PRAMEF15: variants seen among roughly 807,000 people sequenced by gnomAD.
PRAMEF15 encodes PRAME family member 15.
PRAMEF15 carries 21 observed loss-of-function variants against 35.3 expected under a neutral mutation model. The ratio of observed to expected loss-of-function variants is 0.59; its 90% CI spans 0.42 to 0.86. The LOEUF is 0.86. Among genes scored for constraint, PRAMEF15 ranks in the 40% least tolerant of loss-of-function variants. The pLI, the probability that PRAMEF15 is intolerant of heterozygous loss-of-function variation, is 0.00. For synonymous variants in PRAMEF15, 122 were observed against 223.3 expected, an observed-to-expected ratio of 0.55 and a Z score of 4.05; for missense variants, 360 against 574.1, an observed-to-expected ratio of 0.63 and a Z score of 3.81.
At position 13,322,259 on chromosome 1, in the gene PRAMEF15, T is replaced by C; in HGVS notation, c.1432T>C (p.Cys478Arg). 6.4e-7 allele frequency: 1 copy of C among 1,551,704 alleles called. No individual in the cohort carries two copies. The highest frequency in any genetic ancestry group is 1.1e-5 in the South Asian group (1 of 88,522). ...FYDLEADQYC[C>R] ...TGACCTGGAGGCAGATCAATACTGCTGTTGAATGCCTGCCTATTTGGATGG... is the reference window on the plus strand; with the variant it reads ...TGACCTGGAGGCAGATCAATACTGCCGTTGAATGCCTGCCTATTTGGATGG... The change falls in exon 4 of 4, where the codon TGT becomes CGT. Residue 478 changes from cysteine to arginine, a missense_variant. By Grantham distance (180) the Cys-to-Arg change is radical (BLOSUM62 -3). This residue lies in a region of PRAMEF15 where 147 missense variants were observed against 123.5 expected (regional missense o/e 1.19). Coordinates refer to ENST00000376152, the MANE Select transcript of PRAMEF15 (RefSeq NM_001098376.3).
Position 13,322,588 on chromosome 1 carries a change from A to C in PRAMEF15, c.*324A>C, listed in dbSNP as rs1640100197. On this transcript the variant is annotated 3_prime_UTR_variant, in exon 4 of 4. Transcript: ENST00000376152. The stretch of plus-strand genomic sequence containing the variant: ...AAGAAACAATCAGAAATAAAGGAAA[A>C]CTGAGCAGAATCTGTCTGGTGCCCT... The C allele has an allele frequency of 5.6e-6, 2 of 355,716 alleles. No individual in the cohort carries two copies. Among genetic ancestry groups the C allele is most frequent in the African/African-American group, 4.2e-5 (2 of 47,510 alleles). The allele number at this position is 355,716 out of a possible 1,614,324, so 22.0% of individuals were successfully genotyped here.
chr1:13,317,205 G>C (rs1421336753), intron 1 of PRAMEF15, among the ~76,000 whole-genome samples: 5 of 151,586 alleles, frequency 3.3e-5, no homozygotes, highest in Non-Finnish European at 7.4e-5. Context: ...TAGTAGCTTG[G>C]ACTACAGGCG....
At chr1:13,320,462 C>T (rs1228565010) in intron 3 of PRAMEF15, among the ~76,000 whole-genome samples, 4 of 152,004 alleles carry the variant, frequency 2.6e-5, no homozygotes, top group East Asian at 1.9e-4. Flanking sequence ...TCACTTTGAT[C>T]GTCCAGGCTA....
intron 1 of PRAMEF15, among the ~76,000 whole-genome samples, chr1:13,317,491 G>A (rs1457809726): frequency 2.6e-5 from 4 of 151,990 alleles, no homozygotes; most frequent in African/African-American, 4.8e-5. Flanking sequence ...TAATGAGGCT[G>A]GGGTGGAGGC....
At chr1:13,320,920 T>C (rs1169656218) in intron 3 of PRAMEF15, among the ~76,000 whole-genome samples, 2 of 152,036 alleles carry the variant, frequency 1.3e-5, no homozygotes, top group Non-Finnish European at 2.9e-5. Context: ...ATCTAGGCAA[T>C]GCATGATTCT....
At position 13,322,067 on chromosome 1, in the gene PRAMEF15, C is replaced by A. The variant is rs77435826; in HGVS notation, c.1240C>A (p.Leu414Met). ...CATACTCAAAAACTTATGTGTGGAG[C>A]TGTATCCTGCCCCCCGAGAGAGTTA... is the stretch of plus-strand genomic sequence containing the variant. ...TIILKNLCVELYPAPRESYGA... is the reference protein window; with the variant it reads ...TIILKNLCVEMYPAPRESYGA... The change falls in exon 4 of 4, where the codon CTG (leucine) becomes ATG (methionine). Residue 414 changes from leucine (L) to methionine (M), a missense_variant. Physicochemically the swap from Leu to Met is conservative, Grantham distance 15 (BLOSUM62 2). Around this residue, in one of 8 missense-constraint regions of PRAMEF15, gnomAD observed 147 missense variants for 123.5 expected, o/e 1.19. Transcript: ENST00000376152. The A allele has an allele frequency of 6.2e-7, 1 of 1,609,982 alleles. No homozygotes were observed. The highest frequency in any genetic ancestry group is 8.5e-7 in the Non-Finnish European group (1 of 1,178,958).
At chr1:13,320,041 T>C in intron 3 of PRAMEF15, 88 bp downstream of exon 3, 1 of 1,603,168 alleles carries the variant, frequency 6.2e-7, no homozygotes, top group South Asian at 1.1e-5. Flanking sequence ...AGCCAGCCTA[T>C]GAGGATGAAA....
Position 13,322,165 on chromosome 1 carries a change from C to T in PRAMEF15, c.1338C>T (p.Asp446=), listed in dbSNP as rs1640093367. 6.2e-7 allele frequency: 1 copy of T among 1,609,096 alleles called. No homozygotes were observed. Among genetic ancestry groups the T allele is most frequent in the African/African-American group, 1.3e-5 (1 of 74,080 alleles). Residue 446 remains aspartate (D), a synonymous_variant, in exon 4 of 4, where the codon GAC becomes GAT. Coordinates refer to ENST00000376152, the MANE Select transcript of PRAMEF15 (RefSeq NM_001098376.3). ...CTGAGCTGATGAACAGAGTGAGGGA[C>T]TTAAGGCACCCCAAGAGGATCTTGT... The part of the protein sequence containing the change: ...IRAELMNRVR[D]LRHPKRILFC...
chr1:13,319,722 A>G lies in PRAMEF15; in HGVS notation c.644A>G (p.Asn215Ser), dbSNP rs1640056534. Residue 215 changes from asparagine (N) to serine (S), a missense_variant, in exon 3 of 4, where the codon AAT becomes AGT. Around this residue, in one of 8 missense-constraint regions of PRAMEF15, gnomAD observed 36 missense variants for 164.8 expected, o/e 0.22. Transcript: ENST00000376152. ...GACTGTATCCAGGAGGTGGAAGTGAATTGCAAGTGGGTACTGCCCATCCTG... is the reference window on the plus strand; with the variant it reads ...GACTGTATCCAGGAGGTGGAAGTGAGTTGCAAGTGGGTACTGCCCATCCTG... ...NLDCIQEVEV[N>S]CKWVLPILTQ... The G allele has an allele frequency of 2.5e-6, 4 of 1,590,460 alleles. No homozygotes were observed. The highest frequency in any genetic ancestry group is 3.4e-6 in the Non-Finnish European group (4 of 1,171,448).
At chr1:13,319,245 AAC>A in intron 2 of PRAMEF15, 125 bp from the exon 3 acceptor site, 1 of 1,520,972 alleles carries the variant, frequency 6.6e-7, no homozygotes, top group Admixed American at 1.8e-5. Context: ...CCAAGGGGAA[AAC>A]AGAGTGAAGA....
At chr1:13,320,118 A>G (rs1640063318) in intron 3 of PRAMEF15, among the ~76,000 whole-genome samples, 165 bp downstream of exon 3, 2 of 152,104 alleles carry the variant, frequency 1.3e-5, no homozygotes, top group Non-Finnish European at 2.9e-5. Flanking sequence ...AATGGGTATC[A>G]TGCAACCATC....
chr1:13,316,224 G>A (rs1223714008), intron 1 of PRAMEF15, among the ~76,000 whole-genome samples: 3 of 151,604 alleles, frequency 2.0e-5, no homozygotes, highest in South Asian at 4.2e-4. Context: ...GGTTGGTCTC[G>A]AACACCTGAC....
chr1:13,315,798 G>C (rs1429304486), intron 1 of PRAMEF15, 140 bp downstream of exon 1: 6 of 148,448 alleles, frequency 4.0e-5, no homozygotes, highest in African/African-American at 1.0e-4. Flanking sequence ...TGGAAGCTTT[G>C]AATTTTTTCC....
chr1:13,318,422 C>G lies in PRAMEF15; in HGVS notation c.15C>G (p.Ile5Met). MKMS[I>M]RTPPRLLELA... ...CCTGCAGATTCATGAAGATGAGCATCCGGACTCCACCCAGACTCCTGGAGC... is the reference window on the plus strand; with the variant it reads ...CCTGCAGATTCATGAAGATGAGCATGCGGACTCCACCCAGACTCCTGGAGC... Residue 5 changes from isoleucine to methionine, a missense_variant, in exon 2 of 4, where the codon ATC (isoleucine) becomes ATG (methionine). By Grantham distance (10) the Ile-to-Met change is conservative (BLOSUM62 1). This residue lies in a region of PRAMEF15 where 31 missense variants were observed against 46.4 expected (regional missense o/e 0.67). Transcript: ENST00000376152. 10 of 1,613,084 alleles carry G rather than the reference C, an allele frequency of 6.2e-6. No individual in the cohort carries two copies. In the South Asian group the frequency reaches 1.1e-4, roughly 18 times the overall value.
In PRAMEF15 at chr1:13,319,349, G is replaced by C. The variant is rs4617395; in HGVS notation, c.294-23G>C. On this transcript the variant is annotated intron_variant, in intron 2 of 3. Transcript: ENST00000376152. Reference sequence around the variant, plus strand: ...TCAGAAATGAGTTCTTAAATTCTCAGTCTCACCTCTATTTTGCCACAGGAG... The same window carrying C: ...TCAGAAATGAGTTCTTAAATTCTCACTCTCACCTCTATTTTGCCACAGGAG... 1.9e-6 allele frequency: 3 copies of C among 1,608,374 alleles called. No individual in the cohort carries two copies. In the Admixed American group the frequency reaches 5.0e-5, roughly 27 times the overall value.
chr1:13,319,200 A>C (rs527991370), intron 2 of PRAMEF15, among the ~76,000 whole-genome samples, 172 bp from the exon 3 acceptor site: 1 of 151,142 alleles, frequency 6.6e-6, no homozygotes, highest in Admixed American at 6.6e-5. Context: ...TCTCAAAAAA[A>C]AAAAAAAACA....
At chr1:13,317,357 A>T (rs1431000690) in intron 1 of PRAMEF15, among the ~76,000 whole-genome samples, 1 of 151,834 alleles carries the variant, frequency 6.6e-6, no homozygotes, top group African/African-American at 2.4e-5. Context: ...GGTGTGAGTC[A>T]CTGCACCCAG....
At chr1:13,317,381 G>C (rs1452958361) in intron 1 of PRAMEF15, among the ~76,000 whole-genome samples, 111 of 151,774 alleles carry the variant, frequency 7.3e-4, no homozygotes, top group Non-Finnish European at 1.4e-3. Context: ...AAATGGTTCA[G>C]TTTGAACATG....
At chr1:13,319,207 A>T (rs1308638734) in intron 2 of PRAMEF15, among the ~76,000 whole-genome samples, 165 bp from the exon 3 acceptor site, 3 of 150,988 alleles carry the variant, frequency 2.0e-5, no homozygotes, top group Non-Finnish European at 4.4e-5. Context: ...AAAAAAAAAA[A>T]ACAAAACAAT....
Sources: allele counts gnomAD v4.1 joint callset (sites outside exome capture counted in the v4.1 genomes callset), GRCh38; gene constraint gnomAD v4.1.1; regional missense constraint gnomAD v4.1.1; transcripts MANE v1.5; gene names NCBI Gene and HGNC (gene_info 2026-07-23, HGNC 2026-07-21).